KCNQ1: variants seen among roughly 807,000 people sequenced by gnomAD.
KCNQ1 encodes potassium voltage-gated channel subfamily KQT member 1.
KCNQ1 carries 49 observed loss-of-function variants against 72.4 expected under a neutral mutation model. The ratio of observed to expected loss-of-function variants is 0.68; its 90% CI spans 0.54 to 0.86. The LOEUF (loss-of-function observed/expected upper bound fraction) is 0.86. KCNQ1 is among the 40% of genes least tolerant of loss of function. The probability of loss-of-function intolerance (pLI) is 0.00; values close to 1 mark genes in which losing one functional copy is unlikely to be tolerated. For missense variants in KCNQ1, 790 were observed against 945.1 expected (o/e 0.84, Z 2.15); for synonymous variants, 450 against 412.6 (o/e 1.09, Z -1.10).
chr11:2,777,507 G>T (rs1357025671), intron 14 of KCNQ1: 9 of 540,418 alleles, frequency 1.7e-5, no homozygotes, highest in East Asian at 1.2e-4. Context: ...TGGACACGGG[G>T]CTGTGAGTCA....
intron 15 of KCNQ1, among the ~76,000 whole-genome samples, chr11:2,807,761 C>T (rs1234160522): frequency 6.6e-6 from 1 of 151,142 alleles, no homozygotes. Context: ...CTCCCACCTA[C>T]CGGCCTCTTC....
In KCNQ1 at chr11:2,679,706, G is replaced by C. The variant is rs577210505; in HGVS notation, c.1514+17625G>C. ...AGATTAGATTTTTTTTAAATCAGCC[G>C]TTCTCTGTATTCTTGTCCAGATGCT... On this transcript the variant is annotated intron_variant, in intron 11 of 15. Coordinates refer to ENST00000155840, the MANE Select transcript of KCNQ1 (RefSeq NM_000218.3). This position sits in a 1 kb window ranked among gnomAD's most constrained non-coding sequence, Gnocchi z 4.8. 1 of 398,342 alleles carries C rather than the reference G, an allele frequency of 2.5e-6. No individual in the cohort carries two copies. The highest frequency in any genetic ancestry group is 2.1e-5 in the African/African-American group (1 of 48,550). The allele number at this position is 398,342 out of a possible 1,614,324, so 24.7% of individuals were successfully genotyped here. A position where few individuals can be genotyped will look rare whatever the true frequency, so the allele number is the denominator to read the frequency against.
intron 11 of KCNQ1, among the ~76,000 whole-genome samples, chr11:2,741,443 G>C (rs748744182): frequency 6.6e-6 from 1 of 152,162 alleles, no homozygotes; most frequent in Non-Finnish European, 1.5e-5. Flanking sequence ...GGCTGCACAC[G>C]TGTACGCACA....
At position 2,467,004 on chromosome 11, in the gene KCNQ1, G is replaced by C. The variant is rs547369463; in HGVS notation, c.386+21520G>C. Among the ~76,000 whole-genome samples the C allele has an allele frequency of 5.3e-5, 8 of 152,340 alleles. No homozygotes were observed. In the South Asian group the frequency reaches 1.7e-3, roughly 32 times the overall value. ...GGGTTTGTGGGCAGCTGGGCTGCAG[G>C]GGGCTGTGGGAGCCTGAGGGAGTGC... On this transcript the variant is annotated intron_variant, in intron 1 of 15. Transcript: ENST00000155840.
At chr11:2,667,687 G>A (rs1590019454) in intron 11 of KCNQ1, 1 of 398,784 alleles carries the variant, frequency 2.5e-6, no homozygotes, top group African/African-American at 2.1e-5. Context: ...CTGAAGCACG[G>A]AGGTGACCTA....
At position 2,785,115 on chromosome 11, in the gene KCNQ1, T is replaced by G. The variant is rs1008779146; in HGVS notation, c.1794+7078T>G. On this transcript the variant is annotated intron_variant, in intron 15 of 15. Coordinates refer to ENST00000155840, the MANE Select transcript of KCNQ1 (RefSeq NM_000218.3). This position sits in a 1 kb window ranked among gnomAD's most constrained non-coding sequence, Gnocchi z 4.4. ...GGAAAATCATTCAATCAATTTCCAT[T>G]AGCTCTGAGTTTTCCATAGATGCCT... is the stretch of plus-strand genomic sequence containing the variant. Among the ~76,000 whole-genome samples, 3 of 152,050 alleles carry G rather than the reference T, an allele frequency of 2.0e-5. No individual in the cohort carries two copies. The highest frequency in any genetic ancestry group is 2.9e-5 in the Non-Finnish European group (2 of 67,866).
chr11:2,676,528 A>C lies in KCNQ1; in HGVS notation c.1514+14447A>C, dbSNP rs756794056. 2 of 398,568 alleles carry C rather than the reference A, an allele frequency of 5.0e-6. No individual in the cohort carries two copies. The highest frequency in any genetic ancestry group is 8.8e-6 in the Non-Finnish European group (2 of 226,100). The allele number at this position is 398,568 out of a possible 1,614,324, so 24.7% of individuals were successfully genotyped here. A position where few individuals can be genotyped will look rare whatever the true frequency, so the allele number is the denominator to read the frequency against. Reference sequence around the variant, plus strand: ...AACACTTGGACTTGGCAAAAGGCATAGAGGTAGTGGTACAGGAAAGGTCTA... The same window carrying C: ...AACACTTGGACTTGGCAAAAGGCATCGAGGTAGTGGTACAGGAAAGGTCTA... On this transcript the variant is annotated intron_variant, in intron 11 of 15. Coordinates refer to ENST00000155840, the MANE Select transcript of KCNQ1 (RefSeq NM_000218.3). The surrounding 1 kb of genome is among the most constrained non-coding windows in gnomAD (Gnocchi z 4.2).
chr11:2,650,637 A>T, intron 10 of KCNQ1: 1 of 398,662 alleles, frequency 2.5e-6, no homozygotes, highest in Non-Finnish European at 4.4e-6. Flanking sequence ...TGATGTTGCT[A>T]ACTACCTTCA....
At position 2,692,040 on chromosome 11, in the gene KCNQ1, C is replaced by G. The variant is rs142682877; in HGVS notation, c.1514+29959C>G. Reference sequence around the variant, plus strand: ...AGACCACCTGTGAGGCCCTGACCCCCCAAATGTCTCTCCAACCCAGCCAGA... The same window carrying G: ...AGACCACCTGTGAGGCCCTGACCCCGCAAATGTCTCTCCAACCCAGCCAGA... On this transcript the variant is annotated intron_variant, in intron 11 of 15. Transcript: ENST00000155840. 265 of 398,770 alleles carry G rather than the reference C, an allele frequency of 6.6e-4. No homozygotes were observed. The highest frequency in any genetic ancestry group is 9.7e-4 in the Non-Finnish European group (220 of 226,174). The allele number at this position is 398,770 out of a possible 1,614,324, so 24.7% of individuals were successfully genotyped here.
At position 2,659,421 on chromosome 11, in the gene KCNQ1, T is replaced by C; in HGVS notation, c.1394-2540T>C. On this transcript the variant is annotated intron_variant, in intron 10 of 15. Transcript: ENST00000155840. This position sits in a 1 kb window ranked among gnomAD's most constrained non-coding sequence, Gnocchi z 4.3. ...ATGCATTTGAGATTCATCCATGTTGTTGCATAAATCATTAGTTAATTTCTT... is the reference window on the plus strand; with the variant it reads ...ATGCATTTGAGATTCATCCATGTTGCTGCATAAATCATTAGTTAATTTCTT... 1 of 398,626 alleles carries C rather than the reference T, an allele frequency of 2.5e-6. No homozygotes were observed. Among genetic ancestry groups the C allele is most frequent in the Non-Finnish European group, 4.4e-6 (1 of 226,040 alleles). 24.7% of individuals were successfully genotyped at this position (398,626 alleles called of 1,614,324 possible). A position where few individuals can be genotyped will look rare whatever the true frequency, so the allele number is the denominator to read the frequency against.
intron 6 of KCNQ1, among the ~76,000 whole-genome samples, chr11:2,574,347 C>T (rs1848387752): frequency 6.6e-6 from 1 of 152,188 alleles, no homozygotes; most frequent in African/African-American, 2.4e-5. Context: ...TCCGGGCTCA[C>T]TCAGTCCGAT....
At position 2,690,874 on chromosome 11, in the gene KCNQ1, G is replaced by GT. The variant is rs1850576699; in HGVS notation, c.1514+28794dup. The GT allele has an allele frequency of 2.5e-6, 1 of 398,506 alleles. No homozygotes were observed. The allele number at this position is 398,506 out of a possible 1,614,324, so 24.7% of individuals were successfully genotyped here. ...CAGGTACCTTTAGGGACACAGGAGT[G>GT]TAAGCCACTGTTTCCGTCTGGGTTT... On this transcript the variant is annotated intron_variant, in intron 11 of 15. Coordinates refer to ENST00000155840, the MANE Select transcript of KCNQ1 (RefSeq NM_000218.3). This position sits in a 1 kb window ranked among gnomAD's most constrained non-coding sequence, Gnocchi z 5.1.
chr11:2,799,200 A>G (rs565221653), intron 15 of KCNQ1, among the ~76,000 whole-genome samples: 1 of 152,346 alleles, frequency 6.6e-6, no homozygotes, highest in African/African-American at 2.4e-5. Context: ...AGAGCAGCGC[A>G]GGAGAGAAAC....
At chr11:2,823,954 C>T (rs1215855663) in intron 15 of KCNQ1, among the ~76,000 whole-genome samples, 1 of 152,146 alleles carries the variant, frequency 6.6e-6, no homozygotes, top group African/African-American at 2.4e-5. Flanking sequence ...ACCATGTGGC[C>T]AGCATGTCAC....
intron 6 of KCNQ1, among the ~76,000 whole-genome samples, chr11:2,582,734 C>G (rs910782069): frequency 1.3e-5 from 2 of 152,202 alleles, no homozygotes; most frequent in Admixed American, 1.3e-4. Flanking sequence ...CCTGAAGAAC[C>G]CAGCAGGCAG....
At position 2,627,528 on chromosome 11, in the gene KCNQ1, A is replaced by C; in HGVS notation, c.1394-34433A>C. ...CTGAGTTCAAGCTTTTTAGAATTCC[A>C]TATGTAACTGGGATAGTGCAGTATT... is the stretch of plus-strand genomic sequence containing the variant. On this transcript the variant is annotated intron_variant, in intron 10 of 15. Transcript: ENST00000155840. This position sits in a 1 kb window ranked among gnomAD's most constrained non-coding sequence, Gnocchi z 4.9. 2.5e-6 allele frequency: 1 copy of C among 398,526 alleles called. No individual in the cohort carries two copies. Among genetic ancestry groups the C allele is most frequent in the Non-Finnish European group, 4.4e-6 (1 of 226,048 alleles). 24.7% of individuals were successfully genotyped at this position (398,526 alleles called of 1,614,324 possible). A position where few individuals can be genotyped will look rare whatever the true frequency, so the allele number is the denominator to read the frequency against.
At chr11:2,636,457 C>G (rs933131058) in intron 10 of KCNQ1, 1 of 152,114 alleles carries the variant, frequency 6.6e-6, no homozygotes, top group African/African-American at 2.4e-5. Context: ...TGGTTTTTGT[C>G]TTTGGTTCTG....
chr11:2,533,161 T>C (rs1847669937), intron 2 of KCNQ1, among the ~76,000 whole-genome samples: 1 of 152,190 alleles, frequency 6.6e-6, no homozygotes, highest in Non-Finnish European at 1.5e-5. Context: ...GAGCCCCTGT[T>C]TTCTCGTTTC....
Position 2,484,388 on chromosome 11 carries a change from C to T in KCNQ1, c.386+38904C>T, listed in dbSNP as rs1846701706. ...TCATGTTGGCCAGGCTGGTCTTGAA[C>T]TCCTAACCTCAGGTGATCCACCCGC... On this transcript the variant is annotated intron_variant, in intron 1 of 15. Transcript: ENST00000155840. The surrounding 1 kb of genome is among the most constrained non-coding windows in gnomAD (Gnocchi z 5.2). Among the ~76,000 whole-genome samples, 1 of 152,164 alleles carries T rather than the reference C, an allele frequency of 6.6e-6. No individual in the cohort carries two copies. Among genetic ancestry groups the T allele is most frequent in the Non-Finnish European group, 1.5e-5 (1 of 68,020 alleles).
Sources: allele counts gnomAD v4.1 joint callset (sites outside exome capture counted in the v4.1 genomes callset), GRCh38; gene constraint gnomAD v4.1.1; non-coding constraint Gnocchi (gnomAD v3.1); transcripts MANE v1.5; gene names NCBI Gene and HGNC (gene_info 2026-07-23, HGNC 2026-07-21).